CTNND2: variants seen among roughly 807,000 people sequenced by gnomAD.
The protein encoded by CTNND2 is catenin delta 2, also known as catenin delta-2.
In CTNND2, 22 loss-of-function variants were observed where a neutral mutation model predicts 144.4. The observed-to-expected ratio is 0.15, with a 90% CI of 0.11 to 0.22. CTNND2 has a LOEUF of 0.22. CTNND2 is among the 10% of genes least tolerant of loss of function. CTNND2 has a pLI of 1.00. For synonymous variants in CTNND2, 751 were observed against 695.6 expected (o/e 1.08, Z -1.25); for missense variants, 1,353 against 1,618.8 (o/e 0.84, Z 2.82).
chr5:11,549,556 C>A (rs1775581510), intron 3 of CTNND2, among the ~76,000 whole-genome samples: 1 of 152,170 alleles, frequency 6.6e-6, no homozygotes. Context: ...TATCCACAGG[C>A]TTTAAACACA....
At chr5:11,579,871 G>A (rs550027963) in intron 2 of CTNND2, among the ~76,000 whole-genome samples, 7 of 152,256 alleles carry the variant, frequency 4.6e-5, no homozygotes, top group Non-Finnish European at 7.4e-5. Flanking sequence ...TGGCCTCCCC[G>A]GCTGCGGCGT....
At chr5:11,468,087 C>A (rs1025481519) in intron 3 of CTNND2, among the ~76,000 whole-genome samples, 9 of 152,178 alleles carry the variant, frequency 5.9e-5, no homozygotes, top group African/African-American at 1.9e-4. Flanking sequence ...TTACTGTAAT[C>A]TACATCAAAA....
chr5:11,471,483 A>G (rs1254786648), intron 3 of CTNND2, among the ~76,000 whole-genome samples: 1 of 152,232 alleles, frequency 6.6e-6, no homozygotes, highest in Admixed American at 6.5e-5. Flanking sequence ...TACTTTTAAA[A>G]AAATCACAGT....
chr5:11,559,063 G>A (rs1394778904), intron 3 of CTNND2, among the ~76,000 whole-genome samples: 4 of 152,078 alleles, frequency 2.6e-5, no homozygotes, highest in Non-Finnish European at 4.4e-5. Flanking sequence ...GGCCAAGTGA[G>A]GCCCTCTGGG....
chr5:11,690,418 C>T, intron 2 of CTNND2, among the ~76,000 whole-genome samples: 1 of 152,146 alleles, frequency 6.6e-6, no homozygotes, highest in Non-Finnish European at 1.5e-5. Context: ...AAATGAAAAG[C>T]ACATCAGGTT....
At chr5:11,642,366 G>T (rs1782111987) in intron 2 of CTNND2, among the ~76,000 whole-genome samples, 1 of 152,098 alleles carries the variant, frequency 6.6e-6, no homozygotes, top group African/African-American at 2.4e-5. Flanking sequence ...ATTTTAAAAA[G>T]GAATCATAGA....
chr5:11,810,277 T>TA (rs1275585027), intron 1 of CTNND2, among the ~76,000 whole-genome samples: 1 of 152,162 alleles, frequency 6.6e-6, no homozygotes, highest in Non-Finnish European at 1.5e-5. Flanking sequence ...ACGTAAGCTT[T>TA]AAAAGTAATT....
At chr5:11,088,349 C>T (rs1750401298) in intron 15 of CTNND2, among the ~76,000 whole-genome samples, 1 of 152,178 alleles carries the variant, frequency 6.6e-6, no homozygotes, top group Admixed American at 6.5e-5. Flanking sequence ...ACCCTCTAAA[C>T]AAGAGTGGTG....
chr5:11,205,110 A>G (rs1291070838), intron 10 of CTNND2, among the ~76,000 whole-genome samples: 1 of 152,200 alleles, frequency 6.6e-6, no homozygotes, highest in African/African-American at 2.4e-5. Flanking sequence ...GTTCATGCTG[A>G]AAGAAACTAG....
At position 11,082,824 on chromosome 5, in the gene CTNND2, G is replaced by A. The variant is rs750530786; in HGVS notation, c.2660C>T (p.Ala887Val). ...SWKWSVYIRA[A>V]VRKEKGLPIL... ...GGGCAGGCCTTTCTCTTTTCGGACA[G>A]CGGCTCGGATATATACTGACCACTG... The change falls in exon 16 of 22, where the codon GCT (alanine) becomes GTT (valine). Residue 887 changes from alanine to valine, a missense_variant. Ala to Val is a moderately conservative substitution (Grantham distance 64, BLOSUM62 0). Coordinates refer to ENST00000304623, the MANE Select transcript of CTNND2 (RefSeq NM_001332.4). The A allele has an allele frequency of 6.2e-7, 1 of 1,614,188 alleles. No homozygotes were observed. The highest frequency in any genetic ancestry group is 1.1e-5 in the South Asian group (1 of 91,080).
chr5:11,502,782 A>T (rs1004190086), intron 3 of CTNND2, among the ~76,000 whole-genome samples: 2 of 152,226 alleles, frequency 1.3e-5, no homozygotes, highest in African/African-American at 2.4e-5. Context: ...TCTTGGAAAG[A>T]TGAAGAAGGA....
At chr5:11,067,155 A>G (rs1747706677) in intron 16 of CTNND2, among the ~76,000 whole-genome samples, 1 of 152,198 alleles carries the variant, frequency 6.6e-6, no homozygotes, top group African/African-American at 2.4e-5. Flanking sequence ...TCCCCTCTAT[A>G]TATCAAAGAG....
intron 6 of CTNND2, among the ~76,000 whole-genome samples, chr5:11,388,147 A>G (rs1334115361): frequency 1.3e-5 from 2 of 152,184 alleles, no homozygotes; most frequent in African/African-American, 2.4e-5. Context: ...AAAAGTATAA[A>G]CAATAAAATT....
chr5:11,834,683 T>C (rs1794078431), intron 1 of CTNND2, among the ~76,000 whole-genome samples: 1 of 152,200 alleles, frequency 6.6e-6, no homozygotes. Flanking sequence ...TGAATATACC[T>C]TTTATTACAT....
chr5:11,538,705 T>C (rs59754148), intron 3 of CTNND2, among the ~76,000 whole-genome samples: 95,290 of 151,370 alleles, frequency 0.63, 30,075 homozygotes, highest in Admixed American at 0.7. Context: ...TGTGAGTAAT[T>C]GATTTCTTGG....
intron 9 of CTNND2, among the ~76,000 whole-genome samples, chr5:11,319,058 T>C (rs935896260): frequency 1.3e-5 from 2 of 152,184 alleles, no homozygotes; most frequent in Non-Finnish European, 2.9e-5. Context: ...ATCCTCATTT[T>C]ACTCTTGAGC....
At chr5:10,983,905 T>C (rs773061270) in intron 20 of CTNND2, among the ~76,000 whole-genome samples, 4 of 152,176 alleles carry the variant, frequency 2.6e-5, no homozygotes, top group Non-Finnish European at 5.9e-5. Flanking sequence ...CTCCTCCTGT[T>C]AAAGGAGTCC....
chr5:11,537,747 G>A (rs1041805655), intron 3 of CTNND2, among the ~76,000 whole-genome samples: 3 of 152,154 alleles, frequency 2.0e-5, no homozygotes, highest in Non-Finnish European at 4.4e-5. Context: ...TTAAAGTATA[G>A]TACCAGCTTT....
chr5:11,350,409 T>A (rs1755207217), intron 8 of CTNND2, among the ~76,000 whole-genome samples: 1 of 151,906 alleles, frequency 6.6e-6, no homozygotes. Context: ...TGTTTTACAT[T>A]TTAGTTTAAC....
Sources: gnomAD v4.1 joint callset for allele counts (sites outside exome capture counted in the v4.1 genomes callset) on GRCh38, gnomAD v4.1.1 for gene constraint, MANE v1.5 for transcripts, NCBI Gene and HGNC (gene_info 2026-07-23, HGNC 2026-07-21) for gene names.